RBFOX1: variants seen among roughly 807,000 people sequenced by gnomAD.
RBFOX1 encodes the protein RNA binding protein fox-1 homolog 1.
RBFOX1 carries 8 observed loss-of-function variants against 57.7 expected under a neutral mutation model. The observed-to-expected ratio is 0.14, with a 90% confidence interval of 0.08 to 0.25. The LOEUF is 0.25. Ranked by LOEUF, RBFOX1 falls within the 10% of genes least tolerant of loss-of-function variation. The pLI is 1.00. For synonymous variants in RBFOX1, 326 were observed against 222.4 expected (o/e 1.47, Z -4.15); for missense variants, 611 against 548.5 (o/e 1.11, Z -1.14).
At position 5,968,682 on chromosome 16, in the gene RBFOX1, G is replaced by A. The variant is rs141047172; in HGVS notation, c.351+101347G>A. ...CCTATCCTTGACAAAGGACACTTGA[G>A]AACACTATTTGCAGGTATACTGTTT... is the stretch of plus-strand genomic sequence containing the variant. On this transcript the variant is annotated intron_variant, in intron 4 of 19. Coordinates refer to the RBFOX1 transcript ENST00000641259. Among the ~76,000 whole-genome samples, 23 of 152,080 alleles carry A rather than the reference G, an allele frequency of 1.5e-4. No homozygotes were observed. The East Asian group carries it at 2.9e-3, about 19-fold the overall frequency.
intron 4 of RBFOX1, among the ~76,000 whole-genome samples, chr16:7,511,849 T>C (rs1392477139): frequency 1.3e-5 from 2 of 152,106 alleles, no homozygotes; most frequent in African/African-American, 2.4e-5. Context: ...TTCTAGTCAG[T>C]TGTGCAGCAG....
intron 4 of RBFOX1, among the ~76,000 whole-genome samples, chr16:7,515,541 C>A (rs1415189569): frequency 1.3e-5 from 2 of 151,946 alleles, no homozygotes; most frequent in African/African-American, 4.8e-5. Context: ...ATGCTAATTA[C>A]CTGGAATGTG....
intron 2 of RBFOX1, among the ~76,000 whole-genome samples, chr16:6,496,576 G>C (rs1039285428): frequency 6.6e-6 from 1 of 152,136 alleles, no homozygotes; most frequent in Non-Finnish European, 1.5e-5. Context: ...GCATTACATT[G>C]CCCCTCGTCG....
rs148253945 is a variant in RBFOX1 at position 6,303,531 on chromosome 16, A to G, written c.-126-13464A>G. 5.9e-5 allele frequency among the ~76,000 whole-genome samples: 9 copies of G among 152,152 alleles called. No homozygotes were observed. The East Asian group carries it at 1.2e-3, about 20-fold the overall frequency. ...GTAGTCTGAGTAAATATATCACACT[A>G]TGTACTGAGGGTTTGCTTTTTGCGT... On this transcript the variant is annotated intron_variant, in intron 1 of 15. Transcript: ENST00000550418.
At chr16:6,518,789 G>GTC (rs200728003) in intron 2 of RBFOX1, among the ~76,000 whole-genome samples, 12,687 of 80,992 alleles carry the variant, frequency 0.16, 663 homozygotes, top group Middle Eastern at 0.18. Context: ...CTGTCTGTCT[G>GTC]TGTGTCTGTC....
chr16:7,706,926 C>G (rs1265602401), intron 14 of RBFOX1, among the ~76,000 whole-genome samples: 3 of 152,162 alleles, frequency 2.0e-5, no homozygotes, highest in African/African-American at 7.2e-5. Context: ...AACTTTTTAA[C>G]ACATCTGCCC....
At chr16:6,350,572 C>G (rs918479235) in intron 2 of RBFOX1, among the ~76,000 whole-genome samples, 1 of 144,854 alleles carries the variant, frequency 6.9e-6, no homozygotes, top group Non-Finnish European at 1.5e-5. Flanking sequence ...GTTTATTTAA[C>G]TAAGGTGATG....
intron 2 of RBFOX1, among the ~76,000 whole-genome samples, chr16:6,503,727 A>G (rs764064529): frequency 6.6e-5 from 10 of 152,108 alleles, no homozygotes; most frequent in Non-Finnish European, 1.2e-4. Flanking sequence ...TCTGATGTCT[A>G]CTGGACCAAA....
chr16:6,431,162 A>C (rs1006870506), intron 2 of RBFOX1, among the ~76,000 whole-genome samples: 8 of 151,532 alleles, frequency 5.3e-5, no homozygotes, highest in Non-Finnish European at 1.2e-4. Flanking sequence ...AAAAGATGCT[A>C]CTGCAATGGT....
At chr16:6,609,483 A>T (rs188324700) in intron 2 of RBFOX1, among the ~76,000 whole-genome samples, 1 of 152,224 alleles carries the variant, frequency 6.6e-6, no homozygotes, top group African/African-American at 2.4e-5. Context: ...AACTGGGACA[A>T]CAGGTGCATG....
chr16:7,207,433 T>C (rs886500035), intron 4 of RBFOX1, among the ~76,000 whole-genome samples: 3 of 152,136 alleles, frequency 2.0e-5, no homozygotes, highest in Admixed American at 2.0e-4. Flanking sequence ...CAGCACAAAA[T>C]AGTCAAAACA....
At chr16:6,737,000 C>T (rs13335864) in intron 3 of RBFOX1, among the ~76,000 whole-genome samples, 40 of 152,128 alleles carry the variant, frequency 2.6e-4, no homozygotes, top group African/African-American at 8.2e-4. Flanking sequence ...ATCCCTGACA[C>T]GGGAACCGTC....
intron 3 of RBFOX1, among the ~76,000 whole-genome samples, chr16:6,763,864 A>G (rs568161343): frequency 5.3e-4 from 80 of 152,204 alleles, no homozygotes; most frequent in African/African-American, 1.9e-3. Context: ...CCTCTATTTC[A>G]TTTGCATATT....
intron 4 of RBFOX1, among the ~76,000 whole-genome samples, chr16:5,956,672 A>ATTTTTTTT (rs1309859075): frequency 0.051 from 3,949 of 77,958 alleles, 279 homozygotes; most frequent in East Asian, 0.28. Flanking sequence ...ATATATATAT[A>ATTTTTTTT]TATATATTTT....
At chr16:6,831,768 C>T (rs891923803) in intron 3 of RBFOX1, among the ~76,000 whole-genome samples, 1 of 152,130 alleles carries the variant, frequency 6.6e-6, no homozygotes. Flanking sequence ...TATTCCATTT[C>T]CACATCTTTG....
At chr16:5,904,462 C>G (rs1290370576) in intron 4 of RBFOX1, among the ~76,000 whole-genome samples, 1 of 151,900 alleles carries the variant, frequency 6.6e-6, no homozygotes, top group African/African-American at 2.4e-5. Flanking sequence ...AACCTCCTCG[C>G]TAAAAGCCTC....
intron 4 of RBFOX1, among the ~76,000 whole-genome samples, chr16:7,052,309 A>G (rs954252472): frequency 6.6e-6 from 1 of 152,176 alleles, no homozygotes; most frequent in Admixed American, 6.5e-5. Context: ...GTAGATATGG[A>G]TTTTTTGATT....
chr16:7,549,547 G>A (rs928411859), intron 5 of RBFOX1, among the ~76,000 whole-genome samples: 21 of 152,148 alleles, frequency 1.4e-4, no homozygotes, highest in African/African-American at 2.4e-4. Flanking sequence ...AAGCCAGTCC[G>A]AGTCCTAGAG....
At chr16:7,475,669 C>G (rs973526479) in intron 4 of RBFOX1, among the ~76,000 whole-genome samples, 5 of 152,262 alleles carry the variant, frequency 3.3e-5, no homozygotes, top group Admixed American at 2.6e-4. Context: ...CATCCAAGCT[C>G]TTGGTTATAA....
Sources: gnomAD v4.1 joint callset for allele counts (sites outside exome capture counted in the v4.1 genomes callset) on GRCh38, gnomAD v4.1.1 for gene constraint, MANE v1.5 for transcripts, NCBI Gene and HGNC (gene_info 2026-07-23, HGNC 2026-07-21) for gene names.